The following LRFN2 variants were observed in gnomAD, a reference collection of about 807,000 sequenced individuals.
LRFN2 encodes the protein leucine rich repeat and fibronectin type III domain containing 2.
LRFN2 carries 18 observed loss-of-function variants against 37.3 expected under a neutral mutation model. That is an observed-to-expected ratio of 0.48 (90% CI 0.33 to 0.72). LRFN2 has a LOEUF of 0.72. Among genes scored for constraint, LRFN2 ranks in the 30% least tolerant of loss-of-function variants. The pLI is 0.02. For missense variants in LRFN2, 1,006 were observed against 1,060.7 expected, an observed-to-expected ratio of 0.95 and a Z score of 0.72; for synonymous variants, 556 against 466.6, an observed-to-expected ratio of 1.19 and a Z score of -2.47.
chr6:40,559,106 A>C (rs1766944413), intron 1 of LRFN2, among the ~76,000 whole-genome samples: 1 of 151,814 alleles, frequency 6.6e-6, no homozygotes, highest in Non-Finnish European at 1.5e-5. Flanking sequence ...GTAAGAGATG[A>C]AGCCTCTGAT....
chr6:40,501,086 A>G (rs1442739784), intron 1 of LRFN2, among the ~76,000 whole-genome samples: 1 of 151,816 alleles, frequency 6.6e-6, no homozygotes, highest in African/African-American at 2.4e-5. Flanking sequence ...GCTGTAAGAT[A>G]TTAAGTGAAA....
Position 40,392,776 on chromosome 6 carries a change from A to G in LRFN2, c.1537T>C (p.Phe513Leu). ...TGCGGGTAGTCAGCCTTGGTGAAGA[A>G]CTGGGCGCAGCCCACGATGTTGGTG... ...TATNIVGCAQFFTKADYPQCQ... is the reference protein window; with the variant it reads ...TATNIVGCAQLFTKADYPQCQ... The change falls in exon 3 of 3, where the codon TTC becomes CTC. Residue 513 changes from phenylalanine to leucine, a missense_variant. This residue lies in a region of LRFN2 where 120 missense variants were observed against 178.4 expected (regional missense o/e 0.67). Coordinates refer to ENST00000338305, the MANE Select transcript of LRFN2 (RefSeq NM_020737.3). This position sits in a 1 kb window ranked among gnomAD's most constrained non-coding sequence, Gnocchi z 4.7. 6.2e-7 allele frequency: 1 copy of G among 1,614,120 alleles called. No individual in the cohort carries two copies. The highest frequency in any genetic ancestry group is 8.5e-7 in the Non-Finnish European group (1 of 1,180,000).
rs570339859 is a variant in LRFN2, at chr6:40,391,886, A to G, written c.*57T>C. Reference sequence around the variant, plus strand: ...GAAACTCCACAAACACTTGCCAGTGAGATTCTTTCCCCTTCTCCCACCCTG... The same window carrying G: ...GAAACTCCACAAACACTTGCCAGTGGGATTCTTTCCCCTTCTCCCACCCTG... On this transcript the variant is annotated 3_prime_UTR_variant, in exon 3 of 3. Coordinates refer to ENST00000338305, the MANE Select transcript of LRFN2 (RefSeq NM_020737.3). 2.1e-6 allele frequency: 3 copies of G among 1,462,996 alleles called. No individual in the cohort carries two copies. The Admixed American group carries it at 7.5e-5, about 37-fold the overall frequency. 90.6% of individuals were successfully genotyped at this position (1,462,996 alleles called of 1,614,324 possible).
At chr6:40,499,718 AC>A (rs912279636) in intron 1 of LRFN2, among the ~76,000 whole-genome samples, 3 of 151,594 alleles carry the variant, frequency 2.0e-5, no homozygotes, top group Admixed American at 2.0e-4. Context: ...CCAGTGACCC[AC>A]TCCCCCTTAG....
chr6:40,497,979 G>A (rs1765275206), intron 1 of LRFN2, among the ~76,000 whole-genome samples: 1 of 152,220 alleles, frequency 6.6e-6, no homozygotes, highest in South Asian at 2.1e-4. Context: ...TGAAGAAGGA[G>A]AGAATCACTT....
At chr6:40,445,343 T>G (rs1409336868) in intron 1 of LRFN2, among the ~76,000 whole-genome samples, 2 of 152,218 alleles carry the variant, frequency 1.3e-5, no homozygotes, top group Non-Finnish European at 2.9e-5. Flanking sequence ...AAGGCAGAGT[T>G]GGAATCGCAG....
intron 1 of LRFN2, among the ~76,000 whole-genome samples, chr6:40,499,913 C>T (rs1316249463): frequency 6.6e-6 from 1 of 152,224 alleles, no homozygotes; most frequent in Non-Finnish European, 1.5e-5. Flanking sequence ...AGAACAGCAG[C>T]ACCTACCTCA....
intron 1 of LRFN2, among the ~76,000 whole-genome samples, chr6:40,449,019 C>T (rs1041424880): frequency 2.0e-5 from 3 of 152,314 alleles, no homozygotes; most frequent in South Asian, 4.1e-4. Context: ...TGCTCTTCCT[C>T]TGTGGGGTGA....
At chr6:40,522,158 C>A (rs772381618) in intron 1 of LRFN2, among the ~76,000 whole-genome samples, 10 of 152,098 alleles carry the variant, frequency 6.6e-5, no homozygotes, top group Non-Finnish European at 1.5e-4. Context: ...GGAGCTGGGG[C>A]AAGCTTGCAC....
chr6:40,510,710 A>G (rs1217591781), intron 1 of LRFN2, among the ~76,000 whole-genome samples: 1 of 152,240 alleles, frequency 6.6e-6, no homozygotes, highest in Admixed American at 6.5e-5. Context: ...AGAGGAAACG[A>G]AAGCAGGGCC....
intron 1 of LRFN2, among the ~76,000 whole-genome samples, chr6:40,580,611 G>T (rs902011828): frequency 1.2e-4 from 19 of 152,172 alleles, no homozygotes; most frequent in Non-Finnish European, 2.1e-4. Flanking sequence ...AGAAGACATG[G>T]TTTTGTCCTC....
intron 1 of LRFN2, among the ~76,000 whole-genome samples, chr6:40,508,213 C>G (rs955605993): frequency 6.6e-6 from 1 of 152,234 alleles, no homozygotes; most frequent in African/African-American, 2.4e-5. Context: ...TACCACTCTA[C>G]AAATTTTAAT....
intron 1 of LRFN2, among the ~76,000 whole-genome samples, chr6:40,569,166 A>G (rs1366383751): frequency 6.6e-6 from 1 of 152,216 alleles, no homozygotes; most frequent in African/African-American, 2.4e-5. Flanking sequence ...GCTGGGAGGC[A>G]GGAAGCATGA....
chr6:40,432,036 T>C lies in LRFN2; in HGVS notation c.1078A>G (p.Ile360Val). ...TSQDSGAFTC[I>V]AANAAGEATA... ...GCCTCTCCGGCAGCATTGGCAGCAA[T>C]GCAGGTGAAGGCACCACTGTCCTGA... Residue 360 changes from isoleucine to valine, a missense_variant, in exon 2 of 3, where the codon ATT (isoleucine) becomes GTT (valine). This residue lies in a region of LRFN2 where 303 missense variants were observed against 299.8 expected (regional missense o/e 1.01). Coordinates refer to ENST00000338305, the MANE Select transcript of LRFN2 (RefSeq NM_020737.3). The C allele has an allele frequency of 1.9e-6, 3 of 1,614,038 alleles. No homozygotes were observed. The highest frequency in any genetic ancestry group is 2.2e-5 in the East Asian group (1 of 44,876).
At position 40,432,841 on chromosome 6, in the gene LRFN2, G is replaced by T. The variant is rs763140486; in HGVS notation, c.273C>A (p.Ile91=). 13 of 1,614,112 alleles carry T rather than the reference G, an allele frequency of 8.1e-6. No homozygotes were observed. The highest frequency in any genetic ancestry group is 6.7e-5 in the Admixed American group (4 of 60,008). Residue 91 remains isoleucine, a synonymous_variant, in exon 2 of 3, where the codon ATC becomes ATA. Coordinates refer to ENST00000338305, the MANE Select transcript of LRFN2 (RefSeq NM_020737.3). ...CGAGGTCCAGAAAGGAAAAGGGCTG[G>T]ATGTGGCTGATGGTGTTCCTGGACA... ...LTLSRNTISH[I]QPFSFLDLES...
chr6:40,439,533 G>A lies in LRFN2; in HGVS notation c.-18-6402C>T, dbSNP rs140421713. The stretch of plus-strand genomic sequence containing the variant: ...AGAAACATGCTGCTTTTCTGATTTG[G>A]GAGTTGCTGGGGGTGAATGCTGCCA... On this transcript the variant is annotated intron_variant, in intron 1 of 2. Transcript: ENST00000338305. Among the ~76,000 whole-genome samples, 356 of 152,260 alleles carry A rather than the reference G, an allele frequency of 2.3e-3. 1 individual carries two copies. Among genetic ancestry groups the A allele is most frequent in the African/African-American group, 8.0e-3 (331 of 41,550 alleles).
chr6:40,536,378 G>A (rs1766449229), intron 1 of LRFN2, among the ~76,000 whole-genome samples: 1 of 152,204 alleles, frequency 6.6e-6, no homozygotes, highest in Non-Finnish European at 1.5e-5. Context: ...AAGAGTCAAA[G>A]TCACTGCCTT....
chr6:40,525,331 T>A (rs996025403), intron 1 of LRFN2, among the ~76,000 whole-genome samples: 6 of 152,200 alleles, frequency 3.9e-5, no homozygotes, highest in Admixed American at 1.3e-4. Flanking sequence ...CAAGGGTGCA[T>A]ATGACAAATG....
intron 1 of LRFN2, among the ~76,000 whole-genome samples, chr6:40,536,899 CA>C (rs1766459227): frequency 6.6e-6 from 1 of 152,256 alleles, no homozygotes; most frequent in Non-Finnish European, 1.5e-5. Context: ...TGCCATTTGT[CA>C]AGTGCTTTCC....
Sources: allele counts gnomAD v4.1 joint callset (sites outside exome capture counted in the v4.1 genomes callset), GRCh38; gene constraint gnomAD v4.1.1; regional missense constraint gnomAD v4.1.1; non-coding constraint Gnocchi (gnomAD v3.1); transcripts MANE v1.5; gene names NCBI Gene and HGNC (gene_info 2026-07-23, HGNC 2026-07-21).